The following CEP112 variants were observed in gnomAD, a reference collection of about 807,000 sequenced individuals.
The protein encoded by CEP112 is centrosomal protein 112, also known as centrosomal protein of 112 kDa.
Under a neutral mutation model 153.0 loss-of-function variants are expected in CEP112, and 127 were observed. The observed-to-expected ratio is 0.83, with a 90% confidence interval of 0.72 to 0.96. The LOEUF (loss-of-function observed/expected upper bound fraction) is 0.96, where lower values mean the gene tolerates loss of function less well. Ranked by LOEUF, CEP112 falls within the 40% of genes least tolerant of loss-of-function variation. The pLI is 0.00. For missense variants in CEP112, 1,089 were observed against 1,101.2 expected, an observed-to-expected ratio of 0.99 and a Z score of 0.16; for synonymous variants, 358 against 374.4, an observed-to-expected ratio of 0.96 and a Z score of 0.51.
chr17:65,804,768 T>A (rs2055490393), intron 21 of CEP112, among the ~76,000 whole-genome samples: 2 of 152,118 alleles, frequency 1.3e-5, no homozygotes, highest in African/African-American at 2.4e-5. Flanking sequence ...ATTCTAAATA[T>A]GAATCATATC....
chr17:65,652,756 T>A (rs1030458951), intron 24 of CEP112, among the ~76,000 whole-genome samples: 3 of 152,178 alleles, frequency 2.0e-5, no homozygotes, highest in Non-Finnish European at 4.4e-5. Flanking sequence ...AAACAATCTA[T>A]ATATATTTGA....
At chr17:66,113,677 A>G (rs1352319998) in intron 6 of CEP112, among the ~76,000 whole-genome samples, 1 of 152,230 alleles carries the variant, frequency 6.6e-6, no homozygotes, top group Non-Finnish European at 1.5e-5. Flanking sequence ...CAAGTTGACA[A>G]ATAAATAGAA....
chr17:66,113,025 C>T (rs2069127785), intron 6 of CEP112, among the ~76,000 whole-genome samples: 1 of 151,688 alleles, frequency 6.6e-6, no homozygotes, highest in Admixed American at 6.6e-5. Flanking sequence ...GCTGAGATCA[C>T]ACCATTGCAC....
chr17:65,833,076 C>A (rs1035409640), intron 21 of CEP112, among the ~76,000 whole-genome samples: 1 of 152,106 alleles, frequency 6.6e-6, no homozygotes, highest in Non-Finnish European at 1.5e-5. Context: ...GAATGCAATT[C>A]ATCACATAAA....
intron 4 of CEP112, among the ~76,000 whole-genome samples, chr17:66,150,094 G>T (rs1326543235): frequency 1.4e-5 from 2 of 144,468 alleles, no homozygotes; most frequent in African/African-American, 5.1e-5. Context: ...TAGAGACAAG[G>T]TTTCACCCGG....
intron 23 of CEP112, among the ~76,000 whole-genome samples, chr17:65,726,338 C>CA (rs143814581): frequency 0.2 from 30,345 of 148,754 alleles, 3,424 homozygotes; most frequent in South Asian, 0.33. Context: ...GACTCCATCT[C>CA]AAAAAAAAAA....
At chr17:65,663,197 A>G (rs1788686520) in intron 24 of CEP112, among the ~76,000 whole-genome samples, 1 of 152,196 alleles carries the variant, frequency 6.6e-6, no homozygotes, top group African/African-American at 2.4e-5. Context: ...AAATACTAAG[A>G]CAGGTGAAAC....
intron 12 of CEP112, among the ~76,000 whole-genome samples, chr17:66,041,882 G>A (rs2065997899): frequency 6.6e-6 from 1 of 152,272 alleles, no homozygotes; most frequent in South Asian, 2.1e-4. Flanking sequence ...CCACCCTCAA[G>A]AGCAGGGAGT....
intron 24 of CEP112, among the ~76,000 whole-genome samples, chr17:65,662,004 T>A (rs1332809942): frequency 6.6e-6 from 1 of 152,166 alleles, no homozygotes; most frequent in Non-Finnish European, 1.5e-5. Context: ...GGTCTCACTC[T>A]GTCACCCAGG....
intron 17 of CEP112, among the ~76,000 whole-genome samples, chr17:65,974,285 C>T (rs1431080944): frequency 1.3e-5 from 2 of 152,218 alleles, no homozygotes; most frequent in African/African-American, 4.8e-5. Flanking sequence ...GCCATTTGTC[C>T]AAGCTGGTCT....
At chr17:66,170,111 G>T (rs1462434174) in intron 4 of CEP112, among the ~76,000 whole-genome samples, 2 of 152,188 alleles carry the variant, frequency 1.3e-5, no homozygotes, top group Non-Finnish European at 2.9e-5. Context: ...CTACTGGCAA[G>T]ATGAAGTAAT....
At chr17:65,789,500 T>G (rs544393998) in intron 21 of CEP112, among the ~76,000 whole-genome samples, 4 of 152,306 alleles carry the variant, frequency 2.6e-5, no homozygotes, top group Non-Finnish European at 2.9e-5. Flanking sequence ...ACAGTACCAT[T>G]CAGGGCCAGG....
chr17:65,919,115 C>T (rs891072087), intron 19 of CEP112, among the ~76,000 whole-genome samples: 1 of 152,222 alleles, frequency 6.6e-6, no homozygotes, highest in South Asian at 2.1e-4. Flanking sequence ...GATCTGAGGG[C>T]ATAGCCTGAA....
In CEP112 at chr17:66,096,355, C is replaced by T. The variant is rs760982059; in HGVS notation, c.691-27G>A. The T allele has an allele frequency of 2.5e-6, 4 of 1,601,298 alleles. No homozygotes were observed. The Admixed American group carries it at 5.0e-5, about 20-fold the overall frequency. On this transcript the variant is annotated intron_variant, in intron 7 of 26. Coordinates refer to ENST00000535342, the MANE Select transcript of CEP112 (RefSeq NM_001199165.4). ...TGCTAAATGAACAGGAGTTATTTAACATGTTTTCAGATCTGGTTTATCCTT... is the reference window on the plus strand; with the variant it reads ...TGCTAAATGAACAGGAGTTATTTAATATGTTTTCAGATCTGGTTTATCCTT...
chr17:65,762,020 C>G (rs1224182454), intron 21 of CEP112, among the ~76,000 whole-genome samples: 1 of 152,098 alleles, frequency 6.6e-6, no homozygotes, highest in Non-Finnish European at 1.5e-5. Context: ...GTAGATTCAT[C>G]TATTTCTCCT....
At chr17:66,185,729 C>G (rs565999166) in intron 1 of CEP112, among the ~76,000 whole-genome samples, 10 of 152,136 alleles carry the variant, frequency 6.6e-5, no homozygotes, top group Non-Finnish European at 1.5e-4. Context: ...TGTGCGCTAC[C>G]TTTACATTAT....
intron 20 of CEP112, among the ~76,000 whole-genome samples, chr17:65,882,883 GC>G (rs2059136797): frequency 6.6e-6 from 1 of 152,140 alleles, no homozygotes; most frequent in African/African-American, 2.4e-5. Flanking sequence ...CAAGCCGTGA[GC>G]CTCCTTCCCT....
intron 6 of CEP112, among the ~76,000 whole-genome samples, chr17:66,120,699 T>TA (rs1397603707): frequency 6.6e-6 from 1 of 152,160 alleles, no homozygotes; most frequent in East Asian, 1.9e-4. Flanking sequence ...ATAGTGTCTG[T>TA]AATGATATCT....
At chr17:66,054,150 T>C (rs1281302638) in intron 11 of CEP112, among the ~76,000 whole-genome samples, 2 of 152,144 alleles carry the variant, frequency 1.3e-5, no homozygotes, top group Non-Finnish European at 2.9e-5. Context: ...CAGGTAGAAA[T>C]GGTAAATAAA....
Sources: gnomAD v4.1 joint callset for allele counts (sites outside exome capture counted in the v4.1 genomes callset) on GRCh38, gnomAD v4.1.1 for gene constraint, MANE v1.5 for transcripts, NCBI Gene and HGNC (gene_info 2026-07-23, HGNC 2026-07-21) for gene names.